Variants in CSMD1 observed in about 807,000 individuals in gnomAD.
CSMD1 encodes CUB and sushi domain-containing protein 1.
A neutral mutation model predicts 417.5 loss-of-function variants in CSMD1; 213 were observed. The observed-to-expected ratio is 0.51, with a 90% confidence interval of 0.46 to 0.57. CSMD1 has a LOEUF of 0.57. Among genes scored for constraint, CSMD1 ranks in the 20% least tolerant of loss-of-function variants. The pLI is 0.00. For synonymous variants in CSMD1, 2,862 were observed against 1,736.8 expected, an observed-to-expected ratio of 1.65 and a Z score of -16.11; for missense variants, 6,923 against 4,529.7, an observed-to-expected ratio of 1.53 and a Z score of -15.17.
chr8:3,460,698 A>T (rs1330385930), intron 12 of CSMD1, among the ~76,000 whole-genome samples: 1 of 152,218 alleles, frequency 6.6e-6, no homozygotes, highest in Non-Finnish European at 1.5e-5. Flanking sequence ...ATCATAAACC[A>T]CCAATGTCGC....
chr8:3,142,478 T>A lies in CSMD1; in HGVS notation c.6228A>T (p.Lys2076Asn), dbSNP rs1818562598. ...GTTGTTCCATACCTTGGTAAGCAAGTTTAAATCCTTGCCGGTTTTGCGAAT... is the reference window on the plus strand; with the variant it reads ...GTTGTTCCATACCTTGGTAAGCAAGATTAAATCCTTGCCGGTTTTGCGAAT... ...SDHSQNRQGF[K>N]LAYQAYELQN... is the part of the protein sequence containing the mutation. Residue 2076 changes from lysine to asparagine, a missense_variant, in exon 41 of 70, where the codon AAA becomes AAT. Transcript: ENST00000635120. The A allele has an allele frequency of 6.2e-7, 1 of 1,613,564 alleles. No individual in the cohort carries two copies. Among genetic ancestry groups the A allele is most frequent in the Non-Finnish European group, 8.5e-7 (1 of 1,179,562 alleles).
rs1303288649 is a variant in CSMD1 at position 2,973,109 on chromosome 8, C to T, written c.8923+8G>A. ...TCAAGGTGGACCTTAAGGCTTCTGG[C>T]TACTCACCCTCACACACCGGCTGCA... On this transcript the variant is annotated splice_region_variant and intron_variant, in intron 57 of 69. Transcript: ENST00000635120. 6.2e-7 allele frequency: 1 copy of T among 1,612,144 alleles called. No homozygotes were observed. Among genetic ancestry groups the T allele is most frequent in the African/African-American group, 1.3e-5 (1 of 74,894 alleles).
rs549029950 is a variant in CSMD1, at chr8:4,086,850, C to G, written c.416-54751G>C. On this transcript the variant is annotated intron_variant, in intron 3 of 69. Transcript: ENST00000635120. ...TGCATGCATCCTTGTCAAATTTCAT[C>G]ACGTTTCTGGTAGCATAAGAGAGTA... Among the ~76,000 whole-genome samples the G allele has an allele frequency of 2.1e-4, 32 of 152,298 alleles. No individual in the cohort carries two copies. In the South Asian group the frequency reaches 6.6e-3, roughly 32 times the overall value.
intron 5 of CSMD1, among the ~76,000 whole-genome samples, chr8:3,900,168 G>C (rs1453396530): frequency 1.3e-5 from 2 of 152,104 alleles, no homozygotes; most frequent in Non-Finnish European, 2.9e-5. Flanking sequence ...CACCACAGCT[G>C]GGTGACAGTG....
chr8:3,519,676 G>A (rs1383279744), intron 10 of CSMD1, among the ~76,000 whole-genome samples: 1 of 152,282 alleles, frequency 6.6e-6, no homozygotes, highest in East Asian at 1.9e-4. Flanking sequence ...TGCAGGCCAT[G>A]GCTGCTTCAT....
intron 41 of CSMD1, among the ~76,000 whole-genome samples, chr8:3,134,126 T>A (rs1420243114): frequency 6.6e-6 from 1 of 150,898 alleles, no homozygotes; most frequent in Admixed American, 6.6e-5. Flanking sequence ...GAGCCGAGAG[T>A]GTATCACTGC....
chr8:3,789,390 GTTT>G (rs67068655), intron 5 of CSMD1, among the ~76,000 whole-genome samples: 3 of 136,542 alleles, frequency 2.2e-5, no homozygotes, highest in Admixed American at 7.4e-5. Context: ...TTTAAGTAGT[GTTT>G]TTTTTTTTAA....
intron 4 of CSMD1, among the ~76,000 whole-genome samples, chr8:3,998,359 A>C (rs183647342): frequency 6.6e-6 from 1 of 152,294 alleles, no homozygotes; most frequent in East Asian, 1.9e-4. Context: ...GGCTTTTCTG[A>C]AACATGGAAA....
At chr8:3,569,849 C>A (rs1306591897) in intron 10 of CSMD1, among the ~76,000 whole-genome samples, 2 of 152,128 alleles carry the variant, frequency 1.3e-5, no homozygotes, top group African/African-American at 2.4e-5. Flanking sequence ...ATTGGTTGTG[C>A]GGGTATGTCA....
intron 10 of CSMD1, among the ~76,000 whole-genome samples, chr8:3,525,139 G>A (rs945321683): frequency 1.3e-5 from 2 of 152,118 alleles, no homozygotes; most frequent in African/African-American, 4.8e-5. Context: ...GCCACATACA[G>A]TGAGTCTTGA....
intron 10 of CSMD1, among the ~76,000 whole-genome samples, chr8:3,506,730 G>A (rs895541248): frequency 1.3e-5 from 2 of 152,208 alleles, no homozygotes; most frequent in Admixed American, 6.5e-5. Context: ...ATGATTGACT[G>A]TATAGGAGAT....
chr8:4,516,785 T>A (rs1803151373), intron 2 of CSMD1, among the ~76,000 whole-genome samples: 1 of 151,992 alleles, frequency 6.6e-6, no homozygotes, highest in Non-Finnish European at 1.5e-5. Context: ...GTAAAGTTCT[T>A]GTTGACCAAC....
chr8:4,822,299 A>G (rs545475271), intron 1 of CSMD1, among the ~76,000 whole-genome samples: 10 of 152,276 alleles, frequency 6.6e-5, no homozygotes, highest in African/African-American at 2.2e-4. Flanking sequence ...ACCAGATACC[A>G]CTGAAGCCTT....
At chr8:3,841,207 A>G (rs908363522) in intron 5 of CSMD1, among the ~76,000 whole-genome samples, 8 of 152,204 alleles carry the variant, frequency 5.3e-5, no homozygotes, top group Non-Finnish European at 1.2e-4. Flanking sequence ...ATTCCATACA[A>G]TTTCAATAAA....
At chr8:4,482,167 T>C (rs1801137916) in intron 2 of CSMD1, among the ~76,000 whole-genome samples, 1 of 151,922 alleles carries the variant, frequency 6.6e-6, no homozygotes, top group Non-Finnish European at 1.5e-5. Flanking sequence ...GTCATGGGGG[T>C]TTGCTGTATA....
At chr8:4,738,409 A>G (rs6992062) in intron 1 of CSMD1, among the ~76,000 whole-genome samples, 1 of 152,148 alleles carries the variant, frequency 6.6e-6, no homozygotes, top group Non-Finnish European at 1.5e-5. Flanking sequence ...TGGCAGAAGG[A>G]GAAGGGCTGA....
chr8:4,209,735 C>A (rs1800195800), intron 3 of CSMD1, among the ~76,000 whole-genome samples: 1 of 152,174 alleles, frequency 6.6e-6, no homozygotes, highest in Admixed American at 6.5e-5. Flanking sequence ...CACCAGATGT[C>A]CTGCTCCTAG....
At chr8:4,657,800 C>T (rs1804338868) in intron 1 of CSMD1, among the ~76,000 whole-genome samples, 1 of 149,380 alleles carries the variant, frequency 6.7e-6, no homozygotes, top group South Asian at 2.1e-4. Context: ...GTTTAAAATA[C>T]ACCCAAATAG....
intron 3 of CSMD1, among the ~76,000 whole-genome samples, chr8:4,039,927 G>A (rs918503478): frequency 6.6e-6 from 1 of 152,168 alleles, no homozygotes; most frequent in South Asian, 2.1e-4. Context: ...GAAAAGTAAA[G>A]CTTACTCTTG....
Sources: allele counts gnomAD v4.1 joint callset (sites outside exome capture counted in the v4.1 genomes callset), GRCh38; gene constraint gnomAD v4.1.1; transcripts MANE v1.5; gene names NCBI Gene and HGNC (gene_info 2026-07-23, HGNC 2026-07-21).